The following RASSF9 variants were observed in gnomAD, a reference collection of about 807,000 sequenced individuals.
RASSF9 encodes the protein Ras association domain family member 9.
In RASSF9, 18 loss-of-function variants were observed where a neutral mutation model predicts 21.4. The ratio of observed to expected loss-of-function variants is 0.84; its 90% confidence interval spans 0.58 to 1.25. RASSF9 has a LOEUF of 1.25. Among genes scored for constraint, RASSF9 ranks in the 50% most tolerant of loss-of-function variants. RASSF9 has a pLI of 0.00. For synonymous variants in RASSF9, 183 were observed against 179.1 expected (o/e 1.02, Z -0.18); for missense variants, 480 against 503.2 (o/e 0.95, Z 0.44).
chr12:85,802,837 T>TAGGAA lies in RASSF9; in HGVS notation c.*1864_*1865insTTCCT, dbSNP rs1879730330. 1.3e-5 allele frequency: 2 copies of TAGGAA among 152,186 alleles called. No individual in the cohort carries two copies. Among genetic ancestry groups the TAGGAA allele is most frequent in the African/African-American group, 4.8e-5 (2 of 41,462 alleles). The allele number at this position is 152,186 out of a possible 1,614,324, so 9.4% of individuals were successfully genotyped here. A position where few individuals can be genotyped will look rare whatever the true frequency, so the allele number is the denominator to read the frequency against. On this transcript the variant is annotated 3_prime_UTR_variant, in exon 2 of 2. Transcript: ENST00000361228. ...ATTGTTGAATAATTTTATGGACTCTTAGTCAGGTGAACTTTCCTTTCACAG... is the reference window on the plus strand; with the variant it reads ...ATTGTTGAATAATTTTATGGACTCTTAGGAAAGTCAGGTGAACTTTCCTTTCACAG...
chr12:85,808,135 T>C (rs559276655), intron 1 of RASSF9, among the ~76,000 whole-genome samples: 1 of 152,078 alleles, frequency 6.6e-6, no homozygotes, highest in African/African-American at 2.4e-5. Context: ...GCAATAGTGA[T>C]TAATTCTATG....
chr12:85,805,835 C>T lies in RASSF9; in HGVS notation c.175G>A (p.Glu59Lys). ...SADVIQALLE[E>K]HEATFGEKRF... ...TTCTCTCCAAACGTAGCCTCATGTTCCTCAAGCAAAGCCTGGATGACATCA... is the reference window on the plus strand; with the variant it reads ...TTCTCTCCAAACGTAGCCTCATGTTTCTCAAGCAAAGCCTGGATGACATCA... The change falls in exon 2 of 2, where the codon GAA becomes AAA. Residue 59 changes from glutamate (E) to lysine (K), a missense_variant. Physicochemically the swap from Glu to Lys is moderately conservative, Grantham distance 56. Coordinates refer to ENST00000361228, the MANE Select transcript of RASSF9 (RefSeq NM_005447.4). The T allele has an allele frequency of 6.2e-7, 1 of 1,613,968 alleles. No homozygotes were observed. The highest frequency in any genetic ancestry group is 8.5e-7 in the Non-Finnish European group (1 of 1,179,898).
chr12:85,806,298 T>G (rs1274079174), intron 1 of RASSF9, among the ~76,000 whole-genome samples: 1 of 150,698 alleles, frequency 6.6e-6, no homozygotes, highest in Non-Finnish European at 1.5e-5. Flanking sequence ...GATCCACCCG[T>G]CTCGGCCTCC....
chr12:85,826,603 G>C (rs1043825418), intron 1 of RASSF9, among the ~76,000 whole-genome samples: 1 of 137,572 alleles, frequency 7.3e-6, no homozygotes, highest in East Asian at 2.0e-4. Context: ...ACCTGCCACC[G>C]TGCCTGGCTA....
intron 1 of RASSF9, among the ~76,000 whole-genome samples, chr12:85,813,381 T>C (rs567170782): frequency 6.6e-6 from 1 of 152,056 alleles, no homozygotes; most frequent in African/African-American, 2.4e-5. Context: ...AAAGGCAAGA[T>C]TCATACAATC....
rs1293097140 is a variant in RASSF9 at position 85,803,387 on chromosome 12, C to G, written c.*1315G>C. ...TCAGCTAAATAAAAATAAACTGCAG[C>G]AGTACTCAGTTAACAGTACAATAAA... On this transcript the variant is annotated 3_prime_UTR_variant, in exon 2 of 2. Transcript: ENST00000361228. 2 of 151,814 alleles carry G rather than the reference C, an allele frequency of 1.3e-5. No homozygotes were observed. The highest frequency in any genetic ancestry group is 2.9e-5 in the Non-Finnish European group (2 of 67,986). The allele number at this position is 151,814 out of a possible 1,614,324, so 9.4% of individuals were successfully genotyped here. A position where few individuals can be genotyped will look rare whatever the true frequency, so the allele number is the denominator to read the frequency against.
At chr12:85,816,356 T>C (rs780641376) in intron 1 of RASSF9, among the ~76,000 whole-genome samples, 2 of 151,696 alleles carry the variant, frequency 1.3e-5, no homozygotes, top group Non-Finnish European at 2.9e-5. Flanking sequence ...ATTTTATCAG[T>C]AGTTGGCTAA....
At chr12:85,830,005 A>G (rs1880414570) in intron 1 of RASSF9, among the ~76,000 whole-genome samples, 1 of 152,148 alleles carries the variant, frequency 6.6e-6, no homozygotes, top group Non-Finnish European at 1.5e-5. Context: ...GTACAGTACT[A>G]AACACAGTTT....
intron 1 of RASSF9, among the ~76,000 whole-genome samples, chr12:85,812,969 C>A (rs762976746): frequency 6.6e-6 from 1 of 151,672 alleles, no homozygotes; most frequent in Non-Finnish European, 1.5e-5. Flanking sequence ...CATTAGTATA[C>A]ACTTTGGATC....
At chr12:85,835,925 G>T (rs981959590) in intron 1 of RASSF9, among the ~76,000 whole-genome samples, 1 of 152,102 alleles carries the variant, frequency 6.6e-6, no homozygotes, top group Non-Finnish European at 1.5e-5. Context: ...TATTCTCTGC[G>T]ATCCTTGAGC....
intron 1 of RASSF9, among the ~76,000 whole-genome samples, chr12:85,811,994 C>T (rs1029258827): frequency 6.6e-6 from 1 of 151,700 alleles, no homozygotes; most frequent in Non-Finnish European, 1.5e-5. Flanking sequence ...TTGGACTTGA[C>T]TTGAACTAGT....
chr12:85,832,325 A>C (rs1160792546), intron 1 of RASSF9, among the ~76,000 whole-genome samples: 1 of 151,910 alleles, frequency 6.6e-6, no homozygotes, highest in African/African-American at 2.4e-5. Context: ...TGAAAGTACC[A>C]ACCAATTCTC....
chr12:85,827,492 T>C (rs961339915), intron 1 of RASSF9, among the ~76,000 whole-genome samples: 4 of 152,176 alleles, frequency 2.6e-5, no homozygotes, highest in Middle Eastern at 6.3e-3. Context: ...GTAAATAAGA[T>C]TCTATAATTC....
chr12:85,807,057 G>A (rs928896087), intron 1 of RASSF9, among the ~76,000 whole-genome samples: 1 of 152,096 alleles, frequency 6.6e-6, no homozygotes, highest in Admixed American at 6.5e-5. Context: ...TGGGGCAAAG[G>A]AATAGAAAAC....
At position 85,804,395 on chromosome 12, in the gene RASSF9, A is replaced by G. The variant is rs1397393958; in HGVS notation, c.*307T>C. Reference sequence around the variant, plus strand: ...ATATTGAGGATTGCTTTTAAAGTTTATGTAAATCGTTTTCCACAGACGCTA... The same window carrying G: ...ATATTGAGGATTGCTTTTAAAGTTTGTGTAAATCGTTTTCCACAGACGCTA... On this transcript the variant is annotated 3_prime_UTR_variant, in exon 2 of 2. Transcript: ENST00000361228. The G allele has an allele frequency of 3.9e-6, 1 of 253,712 alleles. No homozygotes were observed. The highest frequency in any genetic ancestry group is 7.5e-6 in the Non-Finnish European group (1 of 133,074). 15.7% of individuals were successfully genotyped at this position (253,712 alleles called of 1,614,324 possible).
chr12:85,836,279 G>T lies in RASSF9; in HGVS notation c.-78C>A. 2 of 1,534,462 alleles carry T rather than the reference G, an allele frequency of 1.3e-6. No individual in the cohort carries two copies. Among genetic ancestry groups the T allele is most frequent in the Non-Finnish European group, 1.8e-6 (2 of 1,134,372 alleles). ...GGGTGGGGGTGTCTGGATTTCCAGG[G>T]TGAAGGGAGGAGGGCTGGAAGCTTT... On this transcript the variant is annotated 5_prime_UTR_variant, in exon 1 of 2. Transcript: ENST00000361228.
chr12:85,805,121 C>T lies in RASSF9; in HGVS notation c.889G>A (p.Asp297Asn). 2 of 1,613,930 alleles carry T rather than the reference C, an allele frequency of 1.2e-6. No homozygotes were observed. The highest frequency in any genetic ancestry group is 1.6e-4 in the Middle Eastern group (1 of 6,062). Residue 297 changes from aspartate to asparagine, a missense_variant, in exon 2 of 2, where the codon GAT becomes AAT. By Grantham distance (23) the Asp-to-Asn change is conservative. Coordinates refer to ENST00000361228, the MANE Select transcript of RASSF9 (RefSeq NM_005447.4). ...TCCCCTTCCGCATCTTCATTTATAT[C>T]AATGCAAACACTTTTTACCTCTTTT... Reference protein sequence around the residue: ...IEKEVKSVCIDINEDAEGEAA... With the variant: ...IEKEVKSVCININEDAEGEAA...
rs1234747027 is a variant in RASSF9 at position 85,804,687 on chromosome 12, A to C, written c.*15T>G. Reference sequence around the variant, plus strand: ...CATTAAAACATGAAAGCAGGTCAGAAAGGAGCCATTGGAACTATGTTGACA... The same window carrying C: ...CATTAAAACATGAAAGCAGGTCAGACAGGAGCCATTGGAACTATGTTGACA... On this transcript the variant is annotated 3_prime_UTR_variant, in exon 2 of 2. Transcript: ENST00000361228. 1 of 1,557,560 alleles carries C rather than the reference A, an allele frequency of 6.4e-7. No homozygotes were observed. The highest frequency in any genetic ancestry group is 1.4e-5 in the African/African-American group (1 of 73,176).
chr12:85,831,938 A>G (rs1156880391), intron 1 of RASSF9, among the ~76,000 whole-genome samples: 1 of 151,946 alleles, frequency 6.6e-6, no homozygotes, highest in Non-Finnish European at 1.5e-5. Flanking sequence ...TGGAATGCAA[A>G]TTTTATGTAT....
Sources: gnomAD v4.1 joint callset for allele counts (sites outside exome capture counted in the v4.1 genomes callset) on GRCh38, gnomAD v4.1.1 for gene constraint, MANE v1.5 for transcripts, NCBI Gene and HGNC (gene_info 2026-07-23, HGNC 2026-07-21) for gene names.